Variants in CHUK observed in about 807,000 individuals in gnomAD.
The protein encoded by CHUK is inhibitor of nuclear factor kappa-B kinase subunit alpha.
A neutral mutation model predicts 104.8 loss-of-function variants in CHUK; 35 were observed. The ratio of observed to expected loss-of-function variants is 0.33; its 90% CI spans 0.26 to 0.44. CHUK has a LOEUF of 0.44. CHUK is among the 20% of genes least tolerant of loss of function. CHUK has a pLI of 1.00. For synonymous variants in CHUK, 276 were observed against 291.9 expected (o/e 0.95, Z 0.56); for missense variants, 663 against 902.7 (o/e 0.73, Z 3.40).
intron 1 of CHUK, among the ~76,000 whole-genome samples, chr10:100,228,987 GCGCGCGCACACACACACA>G: frequency 1.2e-5 from 1 of 84,790 alleles, no homozygotes; most frequent in East Asian, 4.0e-4. Context: ...GCGCGCGCGC[GCGCGCGCACACACACACA>G]CACACACACA....
intron 9 of CHUK, among the ~76,000 whole-genome samples, chr10:100,214,623 A>C (rs1257290607): frequency 1.3e-5 from 2 of 152,216 alleles, no homozygotes; most frequent in Non-Finnish European, 2.9e-5. Flanking sequence ...TCCAGTTCAA[A>C]TGTACCTAAA....
At position 100,229,557 on chromosome 10, in the gene CHUK, G is replaced by A. The variant is rs781708040; in HGVS notation, c.-25C>T. The A allele has an allele frequency of 6.9e-6, 10 of 1,455,862 alleles. No homozygotes were observed. The Admixed American group carries it at 1.3e-4, about 18-fold the overall frequency. 90.2% of individuals were successfully genotyped at this position (1,455,862 alleles called of 1,614,324 possible). A position where few individuals can be genotyped will look rare whatever the true frequency, so the allele number is the denominator to read the frequency against. ...TGGGGCGGGAGGGCAAGCGGCCTCAGGTTCCACAGTTGTTCCAAGGCCGGT... is the reference window on the plus strand; with the variant it reads ...TGGGGCGGGAGGGCAAGCGGCCTCAAGTTCCACAGTTGTTCCAAGGCCGGT... On this transcript the variant is annotated 5_prime_UTR_variant, in exon 1 of 21. Coordinates refer to ENST00000370397, the MANE Select transcript of CHUK (RefSeq NM_001278.5).
At chr10:100,221,696 G>A (rs1205868851) in intron 4 of CHUK, among the ~76,000 whole-genome samples, 1 of 152,118 alleles carries the variant, frequency 6.6e-6, no homozygotes, top group Non-Finnish European at 1.5e-5. Context: ...GGAGTGCAGT[G>A]GTGCAATCTC....
intron 16 of CHUK, among the ~76,000 whole-genome samples, chr10:100,198,052 A>AT: frequency 6.6e-6 from 1 of 152,220 alleles, no homozygotes; most frequent in Non-Finnish European, 1.5e-5. Context: ...GAAACATGGA[A>AT]TTTTATCATT....
intron 1 of CHUK, among the ~76,000 whole-genome samples, chr10:100,227,122 T>C (rs1846123207): frequency 6.6e-6 from 1 of 152,238 alleles, no homozygotes; most frequent in Admixed American, 6.5e-5. Flanking sequence ...TGAATGCTCA[T>C]GTTAATGGAG....
downstream of CHUK, chr10:100,187,382 TAC>T (rs1845066287): frequency 6.6e-6 from 1 of 152,130 alleles, no homozygotes; most frequent in African/African-American, 2.4e-5. Flanking sequence ...CTTCAATAAA[TAC>T]ACTTACCTGT....
rs965012940 is a variant in CHUK at position 100,229,360 on chromosome 10, T to C, written c.105+68A>G. On this transcript the variant is annotated intron_variant, in intron 1 of 20. Coordinates refer to ENST00000370397, the MANE Select transcript of CHUK (RefSeq NM_001278.5). ...CATCTATCCCACACTGTCAGCCCTG[T>C]GTTCCACAGACGCTCAAACCCACCG... 3 of 1,159,768 alleles carry C rather than the reference T, an allele frequency of 2.6e-6. No homozygotes were observed. In the African/African-American group the frequency reaches 4.6e-5, roughly 18 times the overall value. 71.8% of individuals were successfully genotyped at this position (1,159,768 alleles called of 1,614,324 possible).
chr10:100,210,808 C>T (rs1315044541), intron 9 of CHUK, among the ~76,000 whole-genome samples: 2 of 152,204 alleles, frequency 1.3e-5, no homozygotes, highest in Admixed American at 1.3e-4. Flanking sequence ...ACCTAAAGCC[C>T]CAGTAAAAGT....
intron 5 of CHUK, 59 bp from the exon 6 acceptor site, chr10:100,219,418 C>A: frequency 8.3e-6 from 8 of 967,554 alleles, no homozygotes; most frequent in Non-Finnish European, 1.3e-5. Context: ...AAAGGAAAGA[C>A]AACAATATCC....
At chr10:100,217,963 T>C in intron 9 of CHUK, 32 bp downstream of exon 9, 5 of 1,595,102 alleles carry the variant, frequency 3.1e-6, no homozygotes, top group Non-Finnish European at 4.3e-6. Context: ...CTTTCAATGC[T>C]GGTCTTATGC....
intron 9 of CHUK, among the ~76,000 whole-genome samples, chr10:100,210,087 A>ATTTTTTTTTTTT (rs1554897567): frequency 1.5e-5 from 2 of 129,418 alleles, no homozygotes; most frequent in African/African-American, 6.9e-5. Flanking sequence ...TTATTTATTT[A>ATTTTTTTTTTTT]TTTATTTTTT....
At chr10:100,189,701 A>C in intron 20 of CHUK, 74 bp from the exon 21 acceptor site, 1 of 1,052,648 alleles carries the variant, frequency 9.5e-7, no homozygotes. Context: ...TCATTTTTGC[A>C]AGTTTTCTGT....
intron 2 of CHUK, among the ~76,000 whole-genome samples, chr10:100,224,522 C>T (rs1004268551): frequency 9.3e-5 from 14 of 151,052 alleles, no homozygotes; most frequent in Non-Finnish European, 4.4e-5. Flanking sequence ...CCGCAACCTC[C>T]GCCTCCCGGG....
At chr10:100,214,646 CAG>C (rs17878825) in intron 9 of CHUK, among the ~76,000 whole-genome samples, 305 of 152,210 alleles carry the variant, frequency 2.0e-3, no homozygotes, top group African/African-American at 7.2e-3. Context: ...GATGGCCTCT[CAG>C]GGCATTAGTA....
intron 11 of CHUK, 92 bp downstream of exon 11, chr10:100,207,138 A>C (rs1271538717): frequency 1.3e-6 from 1 of 748,742 alleles, no homozygotes; most frequent in African/African-American, 1.7e-5. Context: ...TACAGAACAC[A>C]ACACCAAAAG....
At chr10:100,215,511 C>A (rs987637269) in intron 9 of CHUK, among the ~76,000 whole-genome samples, 15 of 150,510 alleles carry the variant, frequency 1.0e-4, no homozygotes, top group Non-Finnish European at 2.2e-4. Flanking sequence ...CATTTAGGGG[C>A]GTGAAAGAGG....
At chr10:100,206,246 T>G (rs1845588435) in intron 11 of CHUK, among the ~76,000 whole-genome samples, 2 of 151,372 alleles carry the variant, frequency 1.3e-5, no homozygotes, top group Admixed American at 1.3e-4. Context: ...AATAGATTTT[T>G]TTTTACTTTT....
At chr10:100,187,943 A>G (rs1157716052), downstream of CHUK, 1 of 152,182 alleles carries the variant, frequency 6.6e-6, no homozygotes. Context: ...CTAGCTTAAT[A>G]CCCTCCAAGT....
At chr10:100,193,498 TATC>T in intron 18 of CHUK, 67 bp from the exon 19 acceptor site, 6 of 1,577,306 alleles carry the variant, frequency 3.8e-6, no homozygotes, top group Non-Finnish European at 4.4e-6. Flanking sequence ...CACAATTTCT[TATC>T]ATATTCCTAA....
Sources: allele counts gnomAD v4.1 joint callset (sites outside exome capture counted in the v4.1 genomes callset), GRCh38; gene constraint gnomAD v4.1.1; transcripts MANE v1.5; gene names NCBI Gene and HGNC (gene_info 2026-07-23, HGNC 2026-07-21).